Variants in RIMBP2 observed in about 807,000 individuals in gnomAD.
The protein encoded by RIMBP2 is RIMS binding protein 2, also known as RIMS-binding protein 2.
In RIMBP2, 48 loss-of-function variants were observed where a neutral mutation model predicts 118.6. The ratio of observed to expected loss-of-function variants is 0.40; its 90% CI spans 0.32 to 0.51. The LOEUF (loss-of-function observed/expected upper bound fraction) is 0.51, where lower values mean the gene tolerates loss of function less well. Among genes scored for constraint, RIMBP2 ranks in the 20% least tolerant of loss-of-function variants. The pLI is 0.41. For missense variants in RIMBP2, 1,551 were observed against 1,768.3 expected, an observed-to-expected ratio of 0.88 and a Z score of 2.20; for synonymous variants, 762 against 742.9, an observed-to-expected ratio of 1.03 and a Z score of -0.42.
intron 1 of RIMBP2, among the ~76,000 whole-genome samples, chr12:130,678,542 G>A (rs748776072): frequency 2.0e-5 from 3 of 152,030 alleles, no homozygotes; most frequent in Non-Finnish European, 4.4e-5. Flanking sequence ...TTTTGAGACA[G>A]AGTCTCACTC....
chr12:130,690,526 G>A (rs2065263647), intron 1 of RIMBP2, among the ~76,000 whole-genome samples: 1 of 152,224 alleles, frequency 6.6e-6, no homozygotes, highest in South Asian at 2.1e-4. Flanking sequence ...CACACCTGAT[G>A]TCTGCGGTAT....
chr12:130,662,176 C>T (rs1940504910), intron 1 of RIMBP2, among the ~76,000 whole-genome samples: 1 of 134,678 alleles, frequency 7.4e-6, no homozygotes, highest in African/African-American at 2.6e-5. Context: ...CCCTAAATTT[C>T]ACCCTCAATC....
At chr12:130,481,847 C>T (rs945241821) in intron 4 of RIMBP2, among the ~76,000 whole-genome samples, 39 of 152,206 alleles carry the variant, frequency 2.6e-4, no homozygotes, top group African/African-American at 8.9e-4. Flanking sequence ...GCTCCCCCCG[C>T]CCCGCTGGGC....
chr12:130,667,370 A>C, intron 1 of RIMBP2: 1 of 152,226 alleles, frequency 6.6e-6, no homozygotes, highest in South Asian at 2.1e-4. Context: ...TTTGAAGAGC[A>C]TGAATAGAGG....
chr12:130,646,918 T>C (rs935636090), intron 1 of RIMBP2, among the ~76,000 whole-genome samples: 2 of 152,184 alleles, frequency 1.3e-5, no homozygotes, highest in African/African-American at 2.4e-5. Flanking sequence ...ACATTGGTGT[T>C]TGCCAGCTGC....
intron 1 of RIMBP2, chr12:130,633,807 G>C (rs1471456805): frequency 6.6e-6 from 1 of 152,186 alleles, no homozygotes; most frequent in Non-Finnish European, 1.5e-5. Flanking sequence ...GTACTTACAA[G>C]GCACCGGAGA....
intron 4 of RIMBP2, among the ~76,000 whole-genome samples, chr12:130,492,174 G>A (rs926335545): frequency 2.6e-5 from 4 of 152,132 alleles, no homozygotes; most frequent in African/African-American, 9.7e-5. Flanking sequence ...ATGTACACAC[G>A]ATTTGCTTTC....
chr12:130,460,018 A>G (rs1452503993), intron 6 of RIMBP2, among the ~76,000 whole-genome samples: 1 of 152,190 alleles, frequency 6.6e-6, no homozygotes, highest in African/African-American at 2.4e-5. Context: ...CGGGTAAACT[A>G]ATCTACGCAC....
intron 22 of RIMBP2, chr12:130,397,980 T>TAG (rs1259258565): frequency 6.5e-6 from 1 of 153,236 alleles, no homozygotes; most frequent in East Asian, 1.9e-4. Flanking sequence ...CTGATATTGT[T>TAG]AAAGTGCATT....
intron 1 of RIMBP2, among the ~76,000 whole-genome samples, chr12:130,653,418 A>G (rs1360359880): frequency 1.3e-5 from 2 of 152,254 alleles, no homozygotes; most frequent in Non-Finnish European, 2.9e-5. Flanking sequence ...ACACTGGTGC[A>G]AGGGGTAGGC....
At chr12:130,454,797 C>T (rs12315682) in intron 7 of RIMBP2, among the ~76,000 whole-genome samples, 39,364 of 152,186 alleles carry the variant, frequency 0.26, 6,308 homozygotes, top group Non-Finnish European at 0.34. Flanking sequence ...AGCTTTGCAG[C>T]GGGTTCCACA....
chr12:130,434,551 T>C lies in RIMBP2; in HGVS notation c.2253+183A>G, dbSNP rs2077367153. On this transcript the variant is annotated intron_variant, in intron 14 of 22. Coordinates refer to ENST00000690449, the MANE Select transcript of RIMBP2 (RefSeq NM_001393629.1). The surrounding 1 kb of genome is among the most constrained non-coding windows in gnomAD (Gnocchi z 5.7). ...TTTTCAATTATCCCCAATGAGGGTA[T>C]GTGACAGGCATTAAATATAAACTTC... is the stretch of plus-strand genomic sequence containing the variant. Among the ~76,000 whole-genome samples, 1 of 152,184 alleles carries C rather than the reference T, an allele frequency of 6.6e-6. No homozygotes were observed. Among genetic ancestry groups the C allele is most frequent in the Admixed American group, 6.5e-5 (1 of 15,280 alleles).
chr12:130,408,797 T>C (rs762135397), intron 19 of RIMBP2, among the ~76,000 whole-genome samples: 9 of 152,222 alleles, frequency 5.9e-5, no homozygotes, highest in Non-Finnish European at 8.8e-5. Flanking sequence ...AACATACAGA[T>C]GAAAACTATC....
At chr12:130,547,986 G>A (rs1484857810) in intron 2 of RIMBP2, among the ~76,000 whole-genome samples, 1 of 152,140 alleles carries the variant, frequency 6.6e-6, no homozygotes, top group Non-Finnish European at 1.5e-5. Flanking sequence ...TCCATGTATG[G>A]GGCTAAGGAT....
At chr12:130,441,540 A>G (rs76701690) in intron 11 of RIMBP2, among the ~76,000 whole-genome samples, 2,406 of 152,200 alleles carry the variant, frequency 0.016, 56 homozygotes, top group African/African-American at 0.055. Flanking sequence ...CCAGGGGTGC[A>G]TGTGACACGG....
At chr12:130,599,270 G>T (rs937494801) in intron 2 of RIMBP2, among the ~76,000 whole-genome samples, 12 of 152,152 alleles carry the variant, frequency 7.9e-5, no homozygotes, top group African/African-American at 2.9e-4. Context: ...TAAATTAGAT[G>T]TCATGAAAAG....
Position 130,422,949 on chromosome 12 carries a change from C to T in RIMBP2, c.3130-388G>A, listed in dbSNP as rs962197532. ...CCACATGCCCCCCTCCCAGCTGTCA[C>T]GAAAGTGGGGAAGATGTTGCAGTTC... On this transcript the variant is annotated intron_variant, in intron 16 of 22. Coordinates refer to ENST00000690449, the MANE Select transcript of RIMBP2 (RefSeq NM_001393629.1). The surrounding 1 kb of genome is among the most constrained non-coding windows in gnomAD (Gnocchi z 5.2). 1.3e-5 allele frequency among the ~76,000 whole-genome samples: 2 copies of T among 152,258 alleles called. No homozygotes were observed. Among genetic ancestry groups the T allele is most frequent in the Non-Finnish European group, 1.5e-5 (1 of 68,024 alleles).
At chr12:130,551,654 G>A (rs75714868) in intron 2 of RIMBP2, among the ~76,000 whole-genome samples, 1,550 of 152,212 alleles carry the variant, frequency 0.01, 19 homozygotes, top group Middle Eastern at 0.014. Context: ...CCAATTTATA[G>A]AATTGTGCAT....
chr12:130,682,144 AG>A (rs2064817516), intron 1 of RIMBP2, among the ~76,000 whole-genome samples: 1 of 152,032 alleles, frequency 6.6e-6, no homozygotes, highest in Non-Finnish European at 1.5e-5. Flanking sequence ...TATCCCGGTG[AG>A]GGGATGTGAC....
Sources: allele counts gnomAD v4.1 joint callset (sites outside exome capture counted in the v4.1 genomes callset), GRCh38; gene constraint gnomAD v4.1.1; non-coding constraint Gnocchi (gnomAD v3.1); transcripts MANE v1.5; gene names NCBI Gene and HGNC (gene_info 2026-07-23, HGNC 2026-07-21).